GRIP1: variants seen among roughly 807,000 people sequenced by gnomAD.
GRIP1 encodes glutamate receptor interacting protein 1.
In GRIP1, 45 loss-of-function variants were observed where a neutral mutation model predicts 129.9. That is an observed-to-expected ratio of 0.35 (90% CI 0.27 to 0.44). GRIP1 has a LOEUF of 0.44. Among genes scored for constraint, GRIP1 ranks in the 20% least tolerant of loss-of-function variants. The probability of loss-of-function intolerance (pLI) is 1.00; values close to 1 mark genes in which losing one functional copy is unlikely to be tolerated. For missense variants in GRIP1, 1,196 were observed against 1,396.8 expected (o/e 0.86, Z 2.29); for synonymous variants, 530 against 520.8 (o/e 1.02, Z -0.24).
chr12:66,529,600 C>T (rs1422297246), intron 5 of GRIP1, among the ~76,000 whole-genome samples: 2 of 151,916 alleles, frequency 1.3e-5, no homozygotes, highest in African/African-American at 2.4e-5. Flanking sequence ...AATGCAAAGG[C>T]ATAAGAAAGA....
chr12:66,397,745 G>A (rs867222236), intron 16 of GRIP1, among the ~76,000 whole-genome samples: 4 of 152,128 alleles, frequency 2.6e-5, no homozygotes, highest in East Asian at 1.9e-4. Context: ...TAACTCCACC[G>A]GTGAGGTGGA....
intron 1 of GRIP1, among the ~76,000 whole-genome samples, chr12:66,893,237 T>G (rs912607658): frequency 6.6e-6 from 1 of 152,136 alleles, no homozygotes; most frequent in African/African-American, 2.4e-5. Context: ...GTTAAATGTA[T>G]TTGATATCTC....
In GRIP1 at chr12:66,625,295, A is replaced by G. The variant is rs531053252; in HGVS notation, c.56-28368T>C. ...GCTTCCATTATGGATGGTATACATT[A>G]TGTTTTCCCCAAACTGAACTGACTC... On this transcript the variant is annotated intron_variant, in intron 1 of 24. Coordinates refer to ENST00000359742, the MANE Select transcript of GRIP1 (RefSeq NM_001366722.1). Among the ~76,000 whole-genome samples, 339 of 152,268 alleles carry G rather than the reference A, an allele frequency of 2.2e-3. 2 individuals are homozygous for G. The highest frequency in any genetic ancestry group is 0.017 in the Middle Eastern group (5 of 292).
At chr12:66,709,820 G>T (rs1203810297) in intron 1 of GRIP1, among the ~76,000 whole-genome samples, 1 of 151,942 alleles carries the variant, frequency 6.6e-6, no homozygotes, top group East Asian at 1.9e-4. Context: ...AATAAAAGGG[G>T]ATCCGTTTAT....
At chr12:66,781,746 G>A (rs2136789572) in intron 1 of GRIP1, among the ~76,000 whole-genome samples, 1 of 152,332 alleles carries the variant, frequency 6.6e-6, no homozygotes, top group African/African-American at 2.4e-5. Context: ...TGGAGAGAAA[G>A]CTGTATAACT....
intron 1 of GRIP1, among the ~76,000 whole-genome samples, chr12:66,702,195 T>C (rs1215701430): frequency 6.6e-6 from 1 of 152,204 alleles, no homozygotes; most frequent in Non-Finnish European, 1.5e-5. Flanking sequence ...TTGGCCTTAT[T>C]ATATTCATGA....
At chr12:66,427,957 C>T (rs1449113015) in intron 14 of GRIP1, among the ~76,000 whole-genome samples, 1 of 152,168 alleles carries the variant, frequency 6.6e-6, no homozygotes, top group Non-Finnish European at 1.5e-5. Flanking sequence ...TATGACTTTG[C>T]CTATAACCTC....
At chr12:66,479,116 C>A (rs1419575425) in intron 7 of GRIP1, among the ~76,000 whole-genome samples, 1 of 138,502 alleles carries the variant, frequency 7.2e-6, no homozygotes, top group Non-Finnish European at 1.6e-5. Context: ...AAAAAAAAAT[C>A]AATGAATCCA....
At chr12:66,596,319 GACAT>G (rs2064048319) in intron 2 of GRIP1, among the ~76,000 whole-genome samples, 1 of 152,126 alleles carries the variant, frequency 6.6e-6, no homozygotes, top group African/African-American at 2.4e-5. Flanking sequence ...TTGTTGGAAA[GACAT>G]ATATATGACT....
chr12:66,997,176 A>G (rs187312353), intron 1 of GRIP1, among the ~76,000 whole-genome samples: 48 of 152,270 alleles, frequency 3.2e-4, no homozygotes, highest in African/African-American at 1.1e-3. Context: ...ATTTAATACA[A>G]AATTACAAAA....
At chr12:66,547,137 G>A (rs547982303) in intron 2 of GRIP1, among the ~76,000 whole-genome samples, 2 of 152,270 alleles carry the variant, frequency 1.3e-5, no homozygotes, top group East Asian at 3.9e-4. Flanking sequence ...AGGATATACA[G>A]ATGGCAGGTA....
intron 1 of GRIP1, among the ~76,000 whole-genome samples, chr12:66,859,772 G>A (rs192628358): frequency 3.7e-4 from 56 of 152,166 alleles, no homozygotes; most frequent in African/African-American, 1.2e-3. Flanking sequence ...GTGCTGCAGG[G>A]CTGTGTTATT....
intron 13 of GRIP1, among the ~76,000 whole-genome samples, chr12:66,437,124 G>C (rs765743091): frequency 6.6e-6 from 1 of 152,120 alleles, no homozygotes; most frequent in Non-Finnish European, 1.5e-5. Context: ...TTAATATCTG[G>C]TTGTAAAACA....
chr12:66,950,785 T>G, intron 1 of GRIP1, among the ~76,000 whole-genome samples: 1 of 152,272 alleles, frequency 6.6e-6, no homozygotes, highest in South Asian at 2.1e-4. Context: ...AAGAAAAAAC[T>G]GTTGAATATT....
intron 22 of GRIP1, chr12:66,372,416 T>TA: frequency 4.5e-6 from 1 of 221,266 alleles, no homozygotes; most frequent in South Asian, 7.0e-5. Flanking sequence ...ATGACTGATA[T>TA]AAAGGCAAGG....
intron 7 of GRIP1, among the ~76,000 whole-genome samples, chr12:66,514,654 A>T (rs1315096768): frequency 1.3e-5 from 2 of 152,120 alleles, no homozygotes. Context: ...CACATCATTT[A>T]TCCTTCTAAA....
Position 66,700,361 on chromosome 12 carries a change from C to T in GRIP1, c.-419-70025G>A, listed in dbSNP as rs147751783. On this transcript the variant is annotated intron_variant, in intron 1 of 4. Coordinates refer to the GRIP1 transcript ENST00000538373. ...AGGTAGGCAGGAAAGGGATGGGCTG[C>T]GGAGCACATAGAGTGGCATGTTAGA... Among the ~76,000 whole-genome samples the T allele has an allele frequency of 2.7e-3, 408 of 150,226 alleles. 9 individuals carry two copies. In the East Asian group the frequency reaches 0.03, roughly 11 times the overall value.
chr12:66,366,495 G>T (rs1327594363), intron 23 of GRIP1, among the ~76,000 whole-genome samples: 2 of 152,150 alleles, frequency 1.3e-5, no homozygotes, highest in African/African-American at 4.8e-5. Context: ...AAATAAAGAG[G>T]TTACTTGTGA....
At chr12:67,045,742 C>T (rs1310971509) in intron 1 of GRIP1, among the ~76,000 whole-genome samples, 1 of 152,144 alleles carries the variant, frequency 6.6e-6, no homozygotes, top group Non-Finnish European at 1.5e-5. Flanking sequence ...GTCCAGACCA[C>T]CCTGGAAGCT....
Sources: gnomAD v4.1 joint callset for allele counts (sites outside exome capture counted in the v4.1 genomes callset) on GRCh38, gnomAD v4.1.1 for gene constraint, MANE v1.5 for transcripts, NCBI Gene and HGNC (gene_info 2026-07-23, HGNC 2026-07-21) for gene names.